RPIA: variants seen among roughly 807,000 people sequenced by gnomAD.
The protein encoded by RPIA is ribose 5-phosphate isomerase A, also known as ribose-5-phosphate isomerase.
Under a neutral mutation model 37.8 loss-of-function variants are expected in RPIA, and 29 were observed. That is an observed-to-expected ratio of 0.77 (90% CI 0.57 to 1.05). The LOEUF is 1.05. Among genes scored for constraint, RPIA ranks in the 50% least tolerant of loss-of-function variants. The pLI is 0.00. For synonymous variants in RPIA, 167 were observed against 157.0 expected (o/e 1.06, Z -0.48); for missense variants, 385 against 413.6 (o/e 0.93, Z 0.60).
intron 3 of RPIA, among the ~76,000 whole-genome samples, chr2:88,711,784 A>G (rs1270583275): frequency 3.9e-5 from 6 of 152,188 alleles, no homozygotes; most frequent in Non-Finnish European, 7.3e-5. Flanking sequence ...ATGTGATTCT[A>G]TACTAGGATC....
chr2:88,737,615 A>C (rs1673330272), intron 7 of RPIA, among the ~76,000 whole-genome samples: 1 of 152,236 alleles, frequency 6.6e-6, no homozygotes, highest in African/African-American at 2.4e-5. Flanking sequence ...GAAGCAGATA[A>C]GAACAATGAA....
chr2:88,696,961 A>C (rs555518609), intron 1 of RPIA, among the ~76,000 whole-genome samples: 1 of 152,370 alleles, frequency 6.6e-6, no homozygotes, highest in East Asian at 1.9e-4. Flanking sequence ...TGTTCAAAGC[A>C]TAACAGGAGA....
At chr2:88,722,026 G>A (rs1052868413) in intron 3 of RPIA, among the ~76,000 whole-genome samples, 12 of 144,458 alleles carry the variant, frequency 8.3e-5, no homozygotes, top group Admixed American at 4.2e-4. Flanking sequence ...TCTTCATGAC[G>A]TGCTTGGACT....
chr2:88,735,798 C>T, intron 6 of RPIA, 61 bp downstream of exon 6: 1 of 1,518,406 alleles, frequency 6.6e-7, no homozygotes, highest in Non-Finnish European at 9.1e-7. Flanking sequence ...CAAGCCGCAT[C>T]CCCATTTTTG....
intron 8 of RPIA, among the ~76,000 whole-genome samples, chr2:88,739,227 G>C (rs1223742488): frequency 6.6e-6 from 1 of 152,224 alleles, no homozygotes; most frequent in Admixed American, 6.5e-5. Flanking sequence ...CTATCATGGA[G>C]TATTCTTGGG....
intron 4 of RPIA, among the ~76,000 whole-genome samples, chr2:88,729,811 A>C (rs1185138366): frequency 6.5e-5 from 1 of 15,360 alleles, no homozygotes; most frequent in Admixed American, 5.2e-4. Context: ...GGATCAACAA[A>C]ATTGATAGAC....
chr2:88,724,528 C>G (rs774051884), intron 3 of RPIA, among the ~76,000 whole-genome samples: 3 of 151,986 alleles, frequency 2.0e-5, no homozygotes, highest in Non-Finnish European at 2.9e-5. Flanking sequence ...AGGCTGGTCT[C>G]GAACTCCCGA....
intron 3 of RPIA, among the ~76,000 whole-genome samples, chr2:88,712,717 A>G (rs1409494795): frequency 6.6e-6 from 1 of 152,114 alleles, no homozygotes; most frequent in South Asian, 2.1e-4. Flanking sequence ...ATCCCACTTC[A>G]TCAATTTCAT....
At chr2:88,713,765 G>T (rs1021313678) in intron 3 of RPIA, among the ~76,000 whole-genome samples, 1 of 151,848 alleles carries the variant, frequency 6.6e-6, no homozygotes, top group African/African-American at 2.4e-5. Flanking sequence ...GTCTTATTTT[G>T]TCCCTTTGCT....
chr2:88,737,928 T>C (rs1673335364), intron 7 of RPIA, 49 bp from the exon 8 acceptor site: 1 of 1,391,598 alleles, frequency 7.2e-7, no homozygotes, highest in Non-Finnish European at 1.0e-6. Flanking sequence ...TGTCCTTCTC[T>C]GCCTACCTGT....
intron 3 of RPIA, among the ~76,000 whole-genome samples, chr2:88,710,067 G>A (rs1004275459): frequency 6.6e-6 from 1 of 151,982 alleles, no homozygotes; most frequent in Non-Finnish European, 1.5e-5. Context: ...TTTTTTTTGA[G>A]ACAGGGTCTT....
chr2:88,737,867 T>TG (rs1356698383), intron 7 of RPIA, 110 bp from the exon 8 acceptor site: 1 of 776,188 alleles, frequency 1.3e-6, no homozygotes, highest in Non-Finnish European at 2.3e-6. Flanking sequence ...AAGCATAAGG[T>TG]GGGAGCAGGT....
rs1355429012 is a variant in RPIA, at chr2:88,691,818, C to A, written c.120C>A (p.His40Gln). The A allele has an allele frequency of 3.1e-6, 5 of 1,596,854 alleles. No individual in the cohort carries two copies. Among genetic ancestry groups the A allele is most frequent in the Non-Finnish European group, 4.3e-6 (5 of 1,173,586 alleles). ...ACAGCTGGGACCTCCCGGGTTCCCA[C>A]GTGCGGCTGCCGGGGCGTGCACAGT... Reference protein sequence around the residue: ...GGNSWDLPGSHVRLPGRAQSG... With the variant: ...GGNSWDLPGSQVRLPGRAQSG... The change falls in exon 1 of 9, where the codon CAC becomes CAA. Residue 40 changes from histidine to glutamine, a missense_variant. Around this residue, in one of 2 missense-constraint regions of RPIA, gnomAD observed 232 missense variants for 203.0 expected, o/e 1.14. Transcript: ENST00000283646.
At chr2:88,742,210 C>T (rs1047494525) in intron 8 of RPIA, among the ~76,000 whole-genome samples, 3 of 152,120 alleles carry the variant, frequency 2.0e-5, no homozygotes, top group African/African-American at 7.2e-5. Context: ...GTCTTTGATC[C>T]ATCTTGATTT....
At chr2:88,715,301 C>CG (rs1377484688) in intron 3 of RPIA, among the ~76,000 whole-genome samples, 10 of 152,156 alleles carry the variant, frequency 6.6e-5, no homozygotes, top group Admixed American at 3.9e-4. Flanking sequence ...TGTTCCTCTT[C>CG]GGGGGGAAGG....
intron 3 of RPIA, among the ~76,000 whole-genome samples, chr2:88,719,639 AG>A (rs200085630): frequency 1.9e-4 from 29 of 152,188 alleles, no homozygotes; most frequent in African/African-American, 6.5e-4. Flanking sequence ...GATTTAAAAA[AG>A]AAAAAGTCAA....
At chr2:88,741,457 C>T (rs1335136371) in intron 8 of RPIA, among the ~76,000 whole-genome samples, 1 of 152,084 alleles carries the variant, frequency 6.6e-6, no homozygotes, top group Non-Finnish European at 1.5e-5. Context: ...ATCACATTTT[C>T]TTTATCCACT....
chr2:88,735,866 G>A, intron 6 of RPIA, 129 bp downstream of exon 6: 2 of 890,742 alleles, frequency 2.2e-6, no homozygotes, highest in Non-Finnish European at 3.8e-6. Context: ...TGATGGCTAG[G>A]ACTTAGTACA....
intron 8 of RPIA, among the ~76,000 whole-genome samples, chr2:88,740,600 C>G (rs1220147748): frequency 6.6e-6 from 1 of 152,114 alleles, no homozygotes; most frequent in Non-Finnish European, 1.5e-5. Context: ...GTGTTCCACC[C>G]AGAGCAGAGT....
Sources: gnomAD v4.1 joint callset for allele counts (sites outside exome capture counted in the v4.1 genomes callset) on GRCh38, gnomAD v4.1.1 for gene constraint, gnomAD v4.1.1 regional missense constraint, MANE v1.5 for transcripts, NCBI Gene and HGNC (gene_info 2026-07-23, HGNC 2026-07-21) for gene names.